Variants in RTN1 observed in about 807,000 individuals in gnomAD.
RTN1 encodes reticulon-1.
A neutral mutation model predicts 65.5 loss-of-function variants in RTN1; 25 were observed. That is an observed-to-expected ratio of 0.38 (90% confidence interval 0.28 to 0.53). The LOEUF (loss-of-function observed/expected upper bound fraction) is 0.53, where lower values mean the gene tolerates loss of function less well. Ranked by LOEUF, RTN1 falls within the 20% of genes least tolerant of loss-of-function variation. The probability of loss-of-function intolerance (pLI) is 0.79; values close to 1 mark genes in which losing one functional copy is unlikely to be tolerated. For synonymous variants in RTN1, 471 were observed against 447.6 expected, an observed-to-expected ratio of 1.05 and a Z score of -0.66; for missense variants, 983 against 1,025.4, an observed-to-expected ratio of 0.96 and a Z score of 0.57.
chr14:59,718,875 C>T (rs935320010), intron 3 of RTN1, among the ~76,000 whole-genome samples: 1 of 152,154 alleles, frequency 6.6e-6, no homozygotes, highest in African/African-American at 2.4e-5. Flanking sequence ...AAAGTCACCC[C>T]TACCACAAAT....
chr14:59,636,581 A>T (rs1882670516), intron 3 of RTN1, among the ~76,000 whole-genome samples: 1 of 152,232 alleles, frequency 6.6e-6, no homozygotes, highest in Admixed American at 6.5e-5. Flanking sequence ...CACTAGGTTA[A>T]TAGAGTATTA....
rs1487051666 is a variant in RTN1 at position 59,763,571 on chromosome 14, T to C, written c.242-17090A>G. 4.0e-5 allele frequency among the ~76,000 whole-genome samples: 6 copies of C among 149,438 alleles called. No homozygotes were observed. The East Asian group carries it at 9.8e-4, about 24-fold the overall frequency. ...TTTTTGAGACAGAGTCTCGCCCTGTTGCCCAGGCTGGAGTGCAGTGGCACG... is the reference window on the plus strand; with the variant it reads ...TTTTTGAGACAGAGTCTCGCCCTGTCGCCCAGGCTGGAGTGCAGTGGCACG... On this transcript the variant is annotated intron_variant, in intron 1 of 8. Coordinates refer to ENST00000267484, the MANE Select transcript of RTN1 (RefSeq NM_021136.3).
At chr14:59,743,990 G>A (rs1464452742) in intron 2 of RTN1, among the ~76,000 whole-genome samples, 3 of 152,190 alleles carry the variant, frequency 2.0e-5, no homozygotes, top group Non-Finnish European at 4.4e-5. Context: ...TTGCGTGAAT[G>A]AGTAAATTTG....
intron 1 of RTN1, among the ~76,000 whole-genome samples, chr14:59,809,258 C>A (rs1427233677): frequency 6.6e-6 from 1 of 152,000 alleles, no homozygotes; most frequent in Non-Finnish European, 1.5e-5. Context: ...ACTTGTATAT[C>A]CTATGTAAAT....
chr14:59,780,020 A>G (rs751768681), intron 1 of RTN1, among the ~76,000 whole-genome samples: 4 of 152,160 alleles, frequency 2.6e-5, no homozygotes, highest in Non-Finnish European at 1.5e-5. Flanking sequence ...ATCATAGATC[A>G]CTCAACACTA....
intron 3 of RTN1, among the ~76,000 whole-genome samples, chr14:59,671,461 C>A (rs1430498010): frequency 6.6e-6 from 1 of 152,168 alleles, no homozygotes; most frequent in African/African-American, 2.4e-5. Context: ...GTGATACCAA[C>A]AATCGCACAT....
At chr14:59,795,933 A>T (rs1308432958) in intron 1 of RTN1, among the ~76,000 whole-genome samples, 2 of 152,180 alleles carry the variant, frequency 1.3e-5, no homozygotes, top group Admixed American at 6.5e-5. Flanking sequence ...TAATTGAAAT[A>T]ATCTACATTA....
intron 1 of RTN1, among the ~76,000 whole-genome samples, chr14:59,804,131 C>T (rs1444748072): frequency 6.6e-6 from 1 of 152,196 alleles, no homozygotes; most frequent in Non-Finnish European, 1.5e-5. Flanking sequence ...CACCCCATTA[C>T]ATTTAATTGT....
chr14:59,723,061 G>A (rs182800929), intron 3 of RTN1, among the ~76,000 whole-genome samples: 3 of 152,196 alleles, frequency 2.0e-5, no homozygotes, highest in Admixed American at 6.5e-5. Context: ...GCCTCCCAAA[G>A]TGCTGGGGCT....
intron 1 of RTN1, among the ~76,000 whole-genome samples, chr14:59,822,844 T>G (rs542148231): frequency 6.6e-6 from 1 of 152,124 alleles, no homozygotes; most frequent in Non-Finnish European, 1.5e-5. Flanking sequence ...ATTTTTATTC[T>G]GCTGTGGTCC....
At chr14:59,831,549 T>C (rs984278886) in intron 1 of RTN1, among the ~76,000 whole-genome samples, 2 of 152,174 alleles carry the variant, frequency 1.3e-5, no homozygotes, top group Non-Finnish European at 2.9e-5. Flanking sequence ...TCAGCCTCCA[T>C]AACTGTGTGT....
intron 3 of RTN1, among the ~76,000 whole-genome samples, chr14:59,695,789 C>T (rs1410398883): frequency 6.6e-6 from 1 of 151,760 alleles, no homozygotes; most frequent in African/African-American, 2.4e-5. Flanking sequence ...CCTAAATCTA[C>T]CTTTGATTAT....
At chr14:59,710,089 C>A (rs1817911914) in intron 3 of RTN1, among the ~76,000 whole-genome samples, 1 of 142,860 alleles carries the variant, frequency 7.0e-6, no homozygotes, top group Admixed American at 7.2e-5. Context: ...GTTGCCCAGG[C>A]TGGAGTGCAG....
chr14:59,733,373 A>T (rs1884941316), intron 2 of RTN1, among the ~76,000 whole-genome samples: 1 of 152,162 alleles, frequency 6.6e-6, no homozygotes, highest in Non-Finnish European at 1.5e-5. Context: ...GATTACAGGC[A>T]TGAGCCACCG....
intron 1 of RTN1, among the ~76,000 whole-genome samples, chr14:59,815,910 T>C (rs1214589152): frequency 6.6e-6 from 1 of 152,202 alleles, no homozygotes; most frequent in Non-Finnish European, 1.5e-5. Context: ...CTGTTTTCTC[T>C]GTAGTTTACT....
intron 1 of RTN1, among the ~76,000 whole-genome samples, chr14:59,776,679 C>T (rs1433673716): frequency 6.6e-6 from 1 of 152,128 alleles, no homozygotes; most frequent in Non-Finnish European, 1.5e-5. Flanking sequence ...CTGTGTGGGG[C>T]CTTCCCCTTA....
chr14:59,730,538 A>G (rs1884876258), intron 2 of RTN1, among the ~76,000 whole-genome samples: 1 of 152,352 alleles, frequency 6.6e-6, no homozygotes, highest in South Asian at 2.1e-4. Flanking sequence ...TTTGTGCTTC[A>G]GAGAATACCA....
intron 8 of RTN1, among the ~76,000 whole-genome samples, chr14:59,601,785 T>C (rs994497128): frequency 1.8e-4 from 28 of 152,298 alleles, no homozygotes; most frequent in African/African-American, 6.0e-4. Context: ...TCCTAGACAT[T>C]CTAATTCTAT....
chr14:59,739,376 A>C (rs1426422123), intron 2 of RTN1, among the ~76,000 whole-genome samples: 2 of 152,108 alleles, frequency 1.3e-5, no homozygotes, highest in African/African-American at 4.8e-5. Flanking sequence ...CCCCGTCTCT[A>C]CTAAAAATAC....
Sources: allele counts gnomAD v4.1 joint callset (sites outside exome capture counted in the v4.1 genomes callset), GRCh38; gene constraint gnomAD v4.1.1; transcripts MANE v1.5; gene names NCBI Gene and HGNC (gene_info 2026-07-23, HGNC 2026-07-21).